Variants in ALDH8A1 observed in about 807,000 individuals in gnomAD.
ALDH8A1 encodes the protein aldehyde dehydrogenase 8 family member A1, also known as 2-aminomuconic semialdehyde dehydrogenase.
A neutral mutation model predicts 43.3 loss-of-function variants in ALDH8A1; 39 were observed. The ratio of observed to expected loss-of-function variants is 0.90; its 90% CI spans 0.70 to 1.18. ALDH8A1 has a LOEUF of 1.18. Ranked by LOEUF, ALDH8A1 falls within the 50% of genes most tolerant of loss-of-function variation. The pLI, the probability that ALDH8A1 is intolerant of heterozygous loss-of-function variation, is 0.00. For synonymous variants in ALDH8A1, 233 were observed against 243.5 expected (o/e 0.96, Z 0.40); for missense variants, 605 against 622.6 (o/e 0.97, Z 0.30).
intron 6 of ALDH8A1, among the ~76,000 whole-genome samples, chr6:134,922,208 T>A (rs1562250587): frequency 1.3e-5 from 2 of 152,092 alleles, no homozygotes; most frequent in Admixed American, 1.3e-4. Context: ...TGAGAGGAGT[T>A]CTACTCTATG....
intron 3 of ALDH8A1, chr6:134,940,339 C>A (rs1288111422): frequency 5.0e-6 from 1 of 198,064 alleles, no homozygotes; most frequent in Non-Finnish European, 1.1e-5. Flanking sequence ...TGTCTCCTTC[C>A]CCATTATTTT....
At chr6:134,918,931 A>G in intron 6 of ALDH8A1, 64 bp from the exon 7 acceptor site, 1 of 1,524,130 alleles carries the variant, frequency 6.6e-7, no homozygotes, top group Non-Finnish European at 9.0e-7. Context: ...ATCAGCAGAA[A>G]ATTCAATGTT....
chr6:134,944,150 CTCTG>C lies in ALDH8A1; in HGVS notation c.139-188_139-185del. The C allele has an allele frequency of 1.0e-5, 7 of 681,538 alleles. No individual in the cohort carries two copies. The South Asian group carries it at 1.6e-4, about 16-fold the overall frequency. 42.2% of individuals were successfully genotyped at this position (681,538 alleles called of 1,614,324 possible). Reference sequence around the variant, plus strand: ...TGGCGCAATTTTGGCTCACTGCAACCTCTGCCTCCGGGGTTCAAGTGATTCTCCC... The same window carrying C: ...TGGCGCAATTTTGGCTCACTGCAACCCCTCCGGGGTTCAAGTGATTCTCCC... On this transcript the variant is annotated intron_variant, in intron 1 of 6. Transcript: ENST00000265605.
chr6:134,950,065 A>C lies in ALDH8A1; in HGVS notation c.-12T>G. The C allele has an allele frequency of 6.2e-7, 1 of 1,606,498 alleles. No individual in the cohort carries two copies. The highest frequency in any genetic ancestry group is 8.5e-7 in the Non-Finnish European group (1 of 1,176,340). On this transcript the variant is annotated 5_prime_UTR_variant, in exon 1 of 7. Coordinates refer to ENST00000265605, the MANE Select transcript of ALDH8A1 (RefSeq NM_022568.4). ...TTTGTTCCAGCCATAGCAAGGAAAAATTCTGCCTTTCCTCTTTACGACTGA... is the reference window on the plus strand; with the variant it reads ...TTTGTTCCAGCCATAGCAAGGAAAACTTCTGCCTTTCCTCTTTACGACTGA...
At chr6:134,925,313 G>A (rs771101852) in intron 6 of ALDH8A1, among the ~76,000 whole-genome samples, 7 of 152,268 alleles carry the variant, frequency 4.6e-5, no homozygotes, top group South Asian at 2.1e-4. Flanking sequence ...CCCCTTTATC[G>A]TTGTCATGAT....
At chr6:134,947,324 T>G (rs1773971107) in intron 1 of ALDH8A1, among the ~76,000 whole-genome samples, 1 of 152,148 alleles carries the variant, frequency 6.6e-6, no homozygotes, top group Non-Finnish European at 1.5e-5. Flanking sequence ...GGGCAAAGAT[T>G]TTTTTGGGCA....
chr6:134,918,944 C>G, intron 6 of ALDH8A1, 77 bp from the exon 7 acceptor site: 1 of 1,465,694 alleles, frequency 6.8e-7, no homozygotes, highest in East Asian at 2.3e-5. Context: ...TCAATGTTTT[C>G]TAATCATCTC....
At chr6:134,944,384 T>C (rs774913915) in intron 1 of ALDH8A1, 6 of 163,476 alleles carry the variant, frequency 3.7e-5, no homozygotes, top group Non-Finnish European at 6.7e-5. Context: ...TAATTTTGAA[T>C]ATTCAACATG....
At chr6:134,924,436 T>A (rs1776853629) in intron 6 of ALDH8A1, among the ~76,000 whole-genome samples, 1 of 152,198 alleles carries the variant, frequency 6.6e-6, no homozygotes, top group Non-Finnish European at 1.5e-5. Context: ...CTCCATTTAA[T>A]AATAAATCAC....
chr6:134,939,185 G>C, intron 4 of ALDH8A1, 81 bp downstream of exon 4: 2 of 1,560,564 alleles, frequency 1.3e-6, no homozygotes, highest in Non-Finnish European at 1.7e-6. Flanking sequence ...GGAATCGATT[G>C]TGCTGCTGAG....
intron 6 of ALDH8A1, among the ~76,000 whole-genome samples, chr6:134,925,634 A>G (rs1408807021): frequency 2.0e-5 from 3 of 152,252 alleles, no homozygotes; most frequent in Non-Finnish European, 2.9e-5. Flanking sequence ...AGCTTTCTAG[A>G]GTCTAAAGAT....
intron 4 of ALDH8A1, among the ~76,000 whole-genome samples, chr6:134,937,787 A>G (rs956902574): frequency 1.3e-5 from 2 of 152,146 alleles, no homozygotes; most frequent in Non-Finnish European, 2.9e-5. Flanking sequence ...AAAGAATGGG[A>G]TTAGACTGTG....
At chr6:134,942,984 T>C (rs1773884268) in intron 2 of ALDH8A1, among the ~76,000 whole-genome samples, 1 of 152,210 alleles carries the variant, frequency 6.6e-6, no homozygotes, top group Non-Finnish European at 1.5e-5. Context: ...TAATGTGTAT[T>C]TCATGACCTC....
chr6:134,948,660 C>T (rs913119219), intron 1 of ALDH8A1, among the ~76,000 whole-genome samples: 10 of 152,120 alleles, frequency 6.6e-5, no homozygotes, highest in Non-Finnish European at 1.3e-4. Context: ...TGTATGGTAA[C>T]CATATTTTTC....
intron 5 of ALDH8A1, 82 bp from the exon 6 acceptor site, chr6:134,929,297 T>G: frequency 6.8e-7 from 1 of 1,470,170 alleles, no homozygotes; most frequent in Admixed American, 1.9e-5. Context: ...GTACCTGCCA[T>G]GTATCAGGCA....
chr6:134,933,450 G>A (rs886108051), intron 4 of ALDH8A1, among the ~76,000 whole-genome samples: 3 of 152,146 alleles, frequency 2.0e-5, no homozygotes, highest in Non-Finnish European at 2.9e-5. Context: ...TAAGTAGAGA[G>A]GTGTATACAT....
intron 6 of ALDH8A1, among the ~76,000 whole-genome samples, chr6:134,928,026 G>A (rs902980795): frequency 6.6e-6 from 1 of 152,116 alleles, no homozygotes; most frequent in African/African-American, 2.4e-5. Flanking sequence ...AAATTTAGCT[G>A]GAGAAAAACA....
chr6:134,918,180 T>C lies in ALDH8A1; in HGVS notation c.*235A>G. The C allele has an allele frequency of 1.9e-6, 1 of 522,034 alleles. No individual in the cohort carries two copies. The highest frequency in any genetic ancestry group is 3.1e-5 in the South Asian group (1 of 31,892). The allele number at this position is 522,034 out of a possible 1,614,324, so 32.3% of individuals were successfully genotyped here. On this transcript the variant is annotated 3_prime_UTR_variant, in exon 7 of 7. Transcript: ENST00000265605. ...CATAACCTGGGAGGAGCCTGACAACTGGCATCATTGTTCTATCTTCCTACT... is the reference window on the plus strand; with the variant it reads ...CATAACCTGGGAGGAGCCTGACAACCGGCATCATTGTTCTATCTTCCTACT...
rs762943161 is a variant in ALDH8A1, at chr6:134,930,785, G to A, written c.850-1570C>T. Among the ~76,000 whole-genome samples the A allele has an allele frequency of 3.7e-4, 56 of 152,302 alleles. 1 individual carries two copies. Among genetic ancestry groups the A allele is most frequent in the Non-Finnish European group, 6.3e-4 (43 of 68,028 alleles). On this transcript the variant is annotated intron_variant, in intron 5 of 6. Transcript: ENST00000265605. ...CCCTGTTGCTCTGTGCCTAGAAAGC[G>A]TAGGTAAGCATACCAAGATGCCCAC...
Sources: gnomAD v4.1 joint callset for allele counts (sites outside exome capture counted in the v4.1 genomes callset) on GRCh38, gnomAD v4.1.1 for gene constraint, MANE v1.5 for transcripts, NCBI Gene and HGNC (gene_info 2026-07-23, HGNC 2026-07-21) for gene names.